Variants in SCN1A observed in about 807,000 individuals in gnomAD.
SCN1A encodes the protein sodium channel protein type 1 subunit alpha.
A neutral mutation model predicts 193.7 loss-of-function variants in SCN1A; 13 were observed. The observed-to-expected ratio is 0.07, with a 90% CI of 0.04 to 0.11. The LOEUF is 0.11. SCN1A is among the 10% of genes least tolerant of loss of function. The pLI, the probability that SCN1A is intolerant of heterozygous loss-of-function variation, is 1.00. For missense variants in SCN1A, 1,432 were observed against 2,451.1 expected (o/e 0.58, Z 8.78); for synonymous variants, 781 against 843.6 (o/e 0.93, Z 1.29).
chr2:166,095,118 T>A (rs1687235605), intron 2 of SCN1A, among the ~76,000 whole-genome samples: 1 of 152,244 alleles, frequency 6.6e-6, no homozygotes, highest in African/African-American at 2.4e-5. Flanking sequence ...TGATTTATCT[T>A]TCCATAGGGA....
At chr2:166,138,090 TA>T (rs1435433728) in intron 1 of SCN1A, among the ~76,000 whole-genome samples, 3 of 152,190 alleles carry the variant, frequency 2.0e-5, no homozygotes, top group Non-Finnish European at 1.5e-5. Context: ...AAGAAATTTC[TA>T]AGTGGCAAAG....
At position 166,045,051 on chromosome 2, in the gene SCN1A, G is replaced by C; in HGVS notation, c.1654C>G (p.Pro552Ala). Residue 552 changes from proline (P) to alanine (A), a missense_variant, in exon 13 of 29, where the codon CCA becomes GCA. Pro to Ala is a conservative substitution (Grantham distance 27). This residue lies in a region of SCN1A where 316 missense variants were observed against 362.1 expected (regional missense o/e 0.87). Transcript: ENST00000674923. Reference protein sequence around the residue: ...RLTYEKRYSSPHQSLLSIRGS... With the variant: ...RLTYEKRYSSAHQSLLSIRGS... ...ACTCAGCAGTGCCATACCTGGTGTG[G>C]GGAGGAGTACCTCTTTTCATATGTC... The C allele has an allele frequency of 6.2e-7, 1 of 1,614,064 alleles. No individual in the cohort carries two copies. Among genetic ancestry groups the C allele is most frequent in the Non-Finnish European group, 8.5e-7 (1 of 1,179,980 alleles).
At chr2:166,026,560 T>A (rs1036357570) in intron 19 of SCN1A, among the ~76,000 whole-genome samples, 2 of 152,180 alleles carry the variant, frequency 1.3e-5, no homozygotes, top group Non-Finnish European at 2.9e-5. Flanking sequence ...GGCCAATTAA[T>A]TTTTCCTTTT....
intron 2 of SCN1A, among the ~76,000 whole-genome samples, chr2:166,100,385 C>T (rs1341693451): frequency 2.1e-5 from 3 of 139,956 alleles, no homozygotes; most frequent in Non-Finnish European, 3.2e-5. Flanking sequence ...AAGATTTAAA[C>T]GTTAGACCTA....
intron 2 of SCN1A, among the ~76,000 whole-genome samples, chr2:166,084,737 G>T (rs192554648): frequency 1.7e-4 from 26 of 152,206 alleles, no homozygotes; most frequent in African/African-American, 5.8e-4. Flanking sequence ...CAGGACTCAT[G>T]GTTGTATGGC....
intron 23 of SCN1A, among the ~76,000 whole-genome samples, chr2:166,004,332 G>A (rs1208299642): frequency 2.6e-5 from 4 of 151,338 alleles, no homozygotes; most frequent in South Asian, 2.1e-4. Context: ...ATTAAAATAC[G>A]TATTTTGCCT....
intron 2 of SCN1A, among the ~76,000 whole-genome samples, chr2:166,104,585 A>T (rs1011602797): frequency 1.3e-5 from 2 of 152,134 alleles, no homozygotes; most frequent in South Asian, 4.1e-4. Context: ...TCTACAAAAA[A>T]TACAAAAATT....
intron 28 of SCN1A, 133 bp downstream of exon 28, chr2:165,994,011 AAC>A (rs898398022): frequency 7.9e-6 from 6 of 763,442 alleles, no homozygotes; most frequent in African/African-American, 3.5e-5. Context: ...TAAAAAAACA[AAC>A]ACACTTGGAT....
At chr2:166,014,929 G>GA (rs1435298611) in intron 20 of SCN1A, among the ~76,000 whole-genome samples, 2 of 151,684 alleles carry the variant, frequency 1.3e-5, no homozygotes, top group African/African-American at 4.8e-5. Flanking sequence ...GGGCAGTTTT[G>GA]AAAAGGACAT....
At chr2:166,105,033 A>G (rs1431880886) in intron 2 of SCN1A, among the ~76,000 whole-genome samples, 1 of 152,222 alleles carries the variant, frequency 6.6e-6, no homozygotes, top group Non-Finnish European at 1.5e-5. Context: ...TAGGGGAAAT[A>G]GCTTATATCA....
chr2:166,095,595 G>A (rs1232175153), intron 2 of SCN1A, among the ~76,000 whole-genome samples: 1 of 152,088 alleles, frequency 6.6e-6, no homozygotes, highest in African/African-American at 2.4e-5. Flanking sequence ...TTAAATAAAA[G>A]AGCCTTATTG....
At chr2:166,136,794 G>A (rs147402723) in intron 1 of SCN1A, among the ~76,000 whole-genome samples, 15 of 152,262 alleles carry the variant, frequency 9.9e-5, no homozygotes, top group East Asian at 7.7e-4. Context: ...ACCAGATTCC[G>A]GTGAGAGCTA....
chr2:166,106,897 C>T (rs1688754540), intron 2 of SCN1A, among the ~76,000 whole-genome samples: 2 of 152,114 alleles, frequency 1.3e-5, no homozygotes, highest in African/African-American at 4.8e-5. Context: ...AAGAAAAATG[C>T]TTTAAGTGCC....
intron 2 of SCN1A, among the ~76,000 whole-genome samples, chr2:166,083,971 G>A (rs751807914): frequency 3.3e-5 from 5 of 152,116 alleles, no homozygotes; most frequent in South Asian, 2.1e-4. Context: ...TCTAATCCTC[G>A]TGACTGTGAT....
chr2:166,132,934 A>G (rs1362360666), upstream of SCN1A, among the ~76,000 whole-genome samples: 1 of 143,692 alleles, frequency 7.0e-6, no homozygotes, highest in African/African-American at 2.5e-5. Context: ...ATGAACATAA[A>G]TAATTGAATT....
intron 2 of SCN1A, among the ~76,000 whole-genome samples, chr2:166,100,572 G>T (rs1164507644): frequency 1.3e-5 from 2 of 150,946 alleles, no homozygotes; most frequent in Admixed American, 6.6e-5. Context: ...AGAGTGAACA[G>T]GCAACCTACA....
At chr2:166,023,597 G>A (rs1694348521) in intron 19 of SCN1A, among the ~76,000 whole-genome samples, 1 of 152,062 alleles carries the variant, frequency 6.6e-6, no homozygotes, top group South Asian at 2.1e-4. Flanking sequence ...TGATGAGAAG[G>A]TGATGAGGGA....
intron 1 of SCN1A, among the ~76,000 whole-genome samples, chr2:166,142,516 C>T (rs1692130893): frequency 6.6e-6 from 1 of 152,190 alleles, no homozygotes; most frequent in Non-Finnish European, 1.5e-5. Context: ...AATGCTTTTA[C>T]TAGAAGCTGT....
chr2:166,049,464 C>G (rs1409300965), intron 9 of SCN1A, among the ~76,000 whole-genome samples: 1 of 151,586 alleles, frequency 6.6e-6, no homozygotes, highest in Non-Finnish European at 1.5e-5. Flanking sequence ...ATAACATATT[C>G]TCACATTTTG....
Sources: gnomAD v4.1 joint callset for allele counts (sites outside exome capture counted in the v4.1 genomes callset) on GRCh38, gnomAD v4.1.1 for gene constraint, gnomAD v4.1.1 regional missense constraint, MANE v1.5 for transcripts, NCBI Gene and HGNC (gene_info 2026-07-23, HGNC 2026-07-21) for gene names.